SLAMF9: variants seen among roughly 807,000 people sequenced by gnomAD.
SLAMF9 encodes the protein CD2 family member 10.
In SLAMF9, 25 loss-of-function variants were observed where a neutral mutation model predicts 30.4. The ratio of observed to expected loss-of-function variants is 0.82; its 90% CI spans 0.60 to 1.15. The LOEUF (loss-of-function observed/expected upper bound fraction) is 1.15, where lower values mean the gene tolerates loss of function less well. Among genes scored for constraint, SLAMF9 ranks in the 50% most tolerant of loss-of-function variants. The probability of loss-of-function intolerance (pLI) is 0.00; values close to 1 mark genes in which losing one functional copy is unlikely to be tolerated. For missense variants in SLAMF9, 344 were observed against 346.1 expected (o/e 0.99, Z 0.05); for synonymous variants, 129 against 127.2 (o/e 1.01, Z -0.09).
At chr1:159,979,837 A>C in the SLAMF9 span, among the ~76,000 whole-genome samples, 7 of 152,224 alleles carry the variant, frequency 4.6e-5, no homozygotes, top group Non-Finnish European at 1.5e-5. Context: ...GTGAGAGTTT[A>C]AAGAAGGGAG....
the SLAMF9 span, chr1:159,973,672 C>T: frequency 4.8e-6 from 4 of 836,352 alleles, no homozygotes; most frequent in Non-Finnish European, 7.8e-6. Flanking sequence ...CCTCGGGTCC[C>T]CACACATTGG....
At chr1:159,974,909 T>C in the SLAMF9 span, among the ~76,000 whole-genome samples, 1 of 152,166 alleles carries the variant, frequency 6.6e-6, no homozygotes, top group Non-Finnish European at 1.5e-5. Flanking sequence ...TCCTGGACCA[T>C]AGGCACCTTC....
chr1:159,958,174 G>A (rs1651967765), upstream of SLAMF9, among the ~76,000 whole-genome samples: 1 of 152,234 alleles, frequency 6.6e-6, no homozygotes, highest in Admixed American at 6.5e-5. Context: ...GAACAGCGTA[G>A]ATCCCGAAGG....
At chr1:159,961,749 CA>C in the SLAMF9 span, among the ~76,000 whole-genome samples, 2 of 152,198 alleles carry the variant, frequency 1.3e-5, no homozygotes, top group South Asian at 4.1e-4. Context: ...GAAGCCCACA[CA>C]GGCAGGGCCG....
upstream of SLAMF9, among the ~76,000 whole-genome samples, chr1:159,957,396 C>T (rs983546096): frequency 1.3e-5 from 2 of 152,068 alleles, no homozygotes; most frequent in African/African-American, 4.8e-5. Context: ...GAGGCCGAAG[C>T]GGGTGGATCA....
chr1:159,958,653 T>C (rs1207806251), upstream of SLAMF9, among the ~76,000 whole-genome samples: 1 of 151,898 alleles, frequency 6.6e-6, no homozygotes, highest in Non-Finnish European at 1.5e-5. Flanking sequence ...TTTATAGAGA[T>C]GGGATGTGGC....
the SLAMF9 span, among the ~76,000 whole-genome samples, chr1:159,970,594 TG>T: frequency 1.4e-4 from 21 of 152,350 alleles, no homozygotes; most frequent in East Asian, 4.0e-3. Context: ...GTTTGGATAC[TG>T]AGCTTGTTCC....
the SLAMF9 span, chr1:159,973,047 T>A: frequency 1.4e-6 from 2 of 1,432,850 alleles, no homozygotes; most frequent in South Asian, 3.2e-5. Context: ...CTGGCCACCC[T>A]CGGGGGCCGC....
the SLAMF9 span, among the ~76,000 whole-genome samples, chr1:159,968,331 TA>T: frequency 1.3e-5 from 2 of 152,210 alleles, no homozygotes; most frequent in Admixed American, 1.3e-4. Context: ...TGTAATTCTT[TA>T]GGGATAGCGT....
chr1:159,961,954 C>T, the SLAMF9 span, among the ~76,000 whole-genome samples: 2 of 151,168 alleles, frequency 1.3e-5, no homozygotes, highest in African/African-American at 2.4e-5. Flanking sequence ...GTCAAGAGTT[C>T]GAGACCAGCC....
Position 159,951,974 on chromosome 1 carries a change from T to C in SLAMF9, c.665-108A>G, listed in dbSNP as rs955398280. Reference sequence around the variant, plus strand: ...GAAGGGGTCTCAAGTTCACAATCAGTTGAAGTCCCCTTGCAAGTGTCTCTG... The same window carrying C: ...GAAGGGGTCTCAAGTTCACAATCAGCTGAAGTCCCCTTGCAAGTGTCTCTG... On this transcript the variant is annotated intron_variant, in intron 3 of 3. Transcript: ENST00000368093. 7 of 905,534 alleles carry C rather than the reference T, an allele frequency of 7.7e-6. No individual in the cohort carries two copies. In the South Asian group the frequency reaches 1.1e-4, roughly 15 times the overall value. The allele number at this position is 905,534 out of a possible 1,614,324, so 56.1% of individuals were successfully genotyped here.
the SLAMF9 span, among the ~76,000 whole-genome samples, chr1:159,971,872 C>G: frequency 3.3e-3 from 496 of 152,232 alleles, 1 homozygote; most frequent in Middle Eastern, 6.8e-3. Flanking sequence ...TGTTTCTCCC[C>G]TGGCACTCTG....
chr1:159,971,645 T>C, the SLAMF9 span, among the ~76,000 whole-genome samples: 43 of 152,214 alleles, frequency 2.8e-4, no homozygotes, highest in Admixed American at 1.6e-3. Context: ...GGTGCAGAGA[T>C]GCTCAAGCAC....
chr1:159,977,312 G>C, the SLAMF9 span, among the ~76,000 whole-genome samples: 1 of 152,354 alleles, frequency 6.6e-6, no homozygotes, highest in South Asian at 2.1e-4. Flanking sequence ...AGATTAGAGA[G>C]AGACAAAGAA....
the SLAMF9 span, chr1:159,973,970 C>T: frequency 3.7e-6 from 6 of 1,611,072 alleles, no homozygotes; most frequent in Non-Finnish European, 4.2e-6. Flanking sequence ...AGAACTTCAC[C>T]TGAGACAGTG....
the SLAMF9 span, among the ~76,000 whole-genome samples, chr1:159,962,144 A>G: frequency 6.6e-6 from 1 of 151,856 alleles, no homozygotes; most frequent in Non-Finnish European, 1.5e-5. Context: ...GGGACAGAGC[A>G]AGACTCCATC....
chr1:159,979,755 T>A, the SLAMF9 span, among the ~76,000 whole-genome samples: 1 of 152,160 alleles, frequency 6.6e-6, no homozygotes, highest in Non-Finnish European at 1.5e-5. Context: ...CATAAAACAG[T>A]TCTGTCCCCA....
upstream of SLAMF9, among the ~76,000 whole-genome samples, chr1:159,956,721 A>G (rs1397314629): frequency 6.6e-6 from 1 of 152,186 alleles, no homozygotes; most frequent in Non-Finnish European, 1.5e-5. Context: ...AAATGCTACC[A>G]TTTACAACAA....
the SLAMF9 span, chr1:159,973,079 G>T: frequency 6.7e-7 from 1 of 1,483,944 alleles, no homozygotes; most frequent in Non-Finnish European, 9.0e-7. Context: ...AAAGCCCAGA[G>T]TCTCCCTCCT....
Sources: allele counts gnomAD v4.1 joint callset (sites outside exome capture counted in the v4.1 genomes callset), GRCh38; gene constraint gnomAD v4.1.1; transcripts MANE v1.5; gene names NCBI Gene and HGNC (gene_info 2026-07-23, HGNC 2026-07-21).